Variants in CCSER1 observed in about 807,000 individuals in gnomAD.
CCSER1 encodes the protein serine-rich coiled-coil domain-containing protein 1.
In CCSER1, 41 loss-of-function variants were observed where a neutral mutation model predicts 82.0. The ratio of observed to expected loss-of-function variants is 0.50; its 90% CI spans 0.39 to 0.65. The LOEUF (loss-of-function observed/expected upper bound fraction) is 0.65, where lower values mean the gene tolerates loss of function less well. CCSER1 is among the 30% of genes least tolerant of loss of function. The pLI is 0.00. For missense variants in CCSER1, 1,119 were observed against 1,064.2 expected, an observed-to-expected ratio of 1.05 and a Z score of -0.72; for synonymous variants, 414 against 383.9, an observed-to-expected ratio of 1.08 and a Z score of -0.92.
intron 9 of CCSER1, among the ~76,000 whole-genome samples, chr4:91,073,495 G>T (rs558069449): frequency 6.6e-6 from 1 of 151,972 alleles, no homozygotes; most frequent in Admixed American, 6.6e-5. Context: ...GACACTCCTC[G>T]ATATTATCAC....
intron 6 of CCSER1, among the ~76,000 whole-genome samples, chr4:90,628,584 A>G (rs892576922): frequency 2.0e-5 from 3 of 152,222 alleles, no homozygotes; most frequent in East Asian, 1.9e-4. Flanking sequence ...TTTCACATCA[A>G]TGATACTGGG....
At chr4:90,605,350 T>C (rs11722539) in intron 5 of CCSER1, among the ~76,000 whole-genome samples, 1 of 152,110 alleles carries the variant, frequency 6.6e-6, no homozygotes, top group South Asian at 2.1e-4. Flanking sequence ...AAAGTATGCA[T>C]GTGTTGTGAA....
rs143097666 is a variant in CCSER1 at position 90,220,610 on chromosome 4, A to G, written c.-41-87634A>G. 3.5e-4 allele frequency among the ~76,000 whole-genome samples: 54 copies of G among 152,246 alleles called. 1 individual carries two copies. Among genetic ancestry groups the G allele is most frequent in the African/African-American group, 1.3e-3 (53 of 41,546 alleles). ...TCTCTGAAAAAAATTCAAGCATGCA[A>G]CACATCTGGCACGTTTCTGTACTTT... On this transcript the variant is annotated intron_variant, in intron 1 of 10. Coordinates refer to ENST00000509176, the MANE Select transcript of CCSER1 (RefSeq NM_001145065.2).
intron 3 of CCSER1, among the ~76,000 whole-genome samples, chr4:90,384,681 C>T (rs2153533968): frequency 1.3e-5 from 2 of 152,276 alleles, no homozygotes; most frequent in South Asian, 4.1e-4. Flanking sequence ...CTGTTCCAGT[C>T]ATCCAAGGCT....
rs1181884678 is a variant in CCSER1, at chr4:90,723,809, C to T, written c.1933-105C>T. On this transcript the variant is annotated intron_variant, in intron 6 of 10. Transcript: ENST00000509176. ...TCTGATTTTTTACATTCATATTTTA[C>T]TTATTATTTGTTTATTTTAATGATT... is the stretch of plus-strand genomic sequence containing the variant. The T allele has an allele frequency of 8.7e-6, 4 of 461,492 alleles. No individual in the cohort carries two copies. In the Admixed American group the frequency reaches 1.2e-4, roughly 14 times the overall value. 28.6% of individuals were successfully genotyped at this position (461,492 alleles called of 1,614,324 possible). A position where few individuals can be genotyped will look rare whatever the true frequency, so the allele number is the denominator to read the frequency against.
chr4:90,650,454 T>A (rs1728538216), intron 6 of CCSER1, among the ~76,000 whole-genome samples: 1 of 152,120 alleles, frequency 6.6e-6, no homozygotes, highest in Admixed American at 6.5e-5. Flanking sequence ...AGACTTTGGA[T>A]AAAACTTATG....
intron 10 of CCSER1, among the ~76,000 whole-genome samples, chr4:91,440,569 C>T (rs1423060404): frequency 6.6e-6 from 1 of 151,996 alleles, no homozygotes; most frequent in Non-Finnish European, 1.5e-5. Flanking sequence ...ACTAGAGAAG[C>T]AACAGCAAAC....
chr4:90,911,192 TCAAGTTAGCAA>T, intron 8 of CCSER1: 2 of 427,368 alleles, frequency 4.7e-6, no homozygotes, highest in South Asian at 1.7e-5. Context: ...TCCCTTTTTT[TCAAGTTAGCAA>T]TTTTCTACAA....
chr4:91,424,361 TG>T (rs542064844), intron 10 of CCSER1, among the ~76,000 whole-genome samples: 14 of 152,178 alleles, frequency 9.2e-5, no homozygotes, highest in African/African-American at 3.4e-4. Flanking sequence ...CTGCGGAATT[TG>T]GGTTGGTTTT....
intron 5 of CCSER1, among the ~76,000 whole-genome samples, chr4:90,569,693 G>A (rs1779876040): frequency 6.6e-6 from 1 of 152,312 alleles, no homozygotes; most frequent in Middle Eastern, 3.4e-3. Context: ...GCATTGCGTT[G>A]TTTCAGCAAA....
intron 10 of CCSER1, among the ~76,000 whole-genome samples, chr4:91,356,177 T>G (rs1470208325): frequency 6.6e-6 from 1 of 152,238 alleles, no homozygotes; most frequent in Non-Finnish European, 1.5e-5. Flanking sequence ...GATAGGCCAC[T>G]GGCCTTGGCC....
intron 7 of CCSER1, among the ~76,000 whole-genome samples, chr4:90,753,646 C>T (rs143215774): frequency 3.9e-5 from 6 of 152,056 alleles, no homozygotes; most frequent in African/African-American, 1.4e-4. Context: ...ACTCTTGTCT[C>T]CCCTGTAATT....
At chr4:90,447,006 A>T (rs1760753709) in intron 4 of CCSER1, among the ~76,000 whole-genome samples, 1 of 152,206 alleles carries the variant, frequency 6.6e-6, no homozygotes, top group East Asian at 1.9e-4. Flanking sequence ...CTGTGTGTTG[A>T]TCTGCTACTT....
chr4:90,525,887 G>T (rs144894301), intron 5 of CCSER1, among the ~76,000 whole-genome samples: 1 of 151,980 alleles, frequency 6.6e-6, no homozygotes, highest in African/African-American at 2.4e-5. Flanking sequence ...TGATCCTCCC[G>T]CCTCAGCCTT....
intron 3 of CCSER1, among the ~76,000 whole-genome samples, chr4:90,351,203 TTA>T (rs1743356839): frequency 1.3e-5 from 2 of 152,178 alleles, no homozygotes; most frequent in Admixed American, 1.3e-4. Context: ...TGGAACATTT[TTA>T]AAAAGCAATA....
chr4:90,704,321 TAG>T lies in CCSER1; in HGVS notation c.1933-19590_1933-19589del, dbSNP rs1174542872. On this transcript the variant is annotated intron_variant, in intron 6 of 10. Transcript: ENST00000509176. ...TTGGCCCCTACTCTCTTCTGGCATG[TAG>T]AGTTTCTGCCGAGATATCAGCTGTT... 3.3e-5 allele frequency among the ~76,000 whole-genome samples: 5 copies of T among 152,340 alleles called. No homozygotes were observed. The South Asian group carries it at 6.2e-4, about 19-fold the overall frequency.
At chr4:90,996,753 C>T (rs1294737717) in intron 9 of CCSER1, among the ~76,000 whole-genome samples, 1 of 151,972 alleles carries the variant, frequency 6.6e-6, no homozygotes, top group Non-Finnish European at 1.5e-5. Context: ...GAAATGAAAT[C>T]ATATATTATA....
chr4:90,725,495 A>G (rs1386360916), intron 7 of CCSER1, among the ~76,000 whole-genome samples: 1 of 151,422 alleles, frequency 6.6e-6, no homozygotes, highest in Non-Finnish European at 1.5e-5. Context: ...AGTTATAGTG[A>G]CTTTTAATTT....
chr4:91,158,828 C>T (rs1034734646), intron 10 of CCSER1, among the ~76,000 whole-genome samples: 2 of 151,902 alleles, frequency 1.3e-5, no homozygotes, highest in African/African-American at 4.8e-5. Flanking sequence ...TAACAAATAC[C>T]ATTGAAACAA....
Sources: allele counts gnomAD v4.1 joint callset (sites outside exome capture counted in the v4.1 genomes callset), GRCh38; gene constraint gnomAD v4.1.1; transcripts MANE v1.5; gene names NCBI Gene and HGNC (gene_info 2026-07-23, HGNC 2026-07-21).